The following TMEM132B variants were observed in gnomAD, a reference collection of about 807,000 sequenced individuals.
TMEM132B encodes transmembrane protein 132B.
TMEM132B carries 18 observed loss-of-function variants against 90.8 expected under a neutral mutation model. The observed-to-expected ratio is 0.20, with a 90% CI of 0.14 to 0.29. The LOEUF (loss-of-function observed/expected upper bound fraction) is 0.29, where lower values mean the gene tolerates loss of function less well. Among genes scored for constraint, TMEM132B ranks in the 10% least tolerant of loss-of-function variants. TMEM132B has a pLI of 1.00. For synonymous variants in TMEM132B, 504 were observed against 523.3 expected, an observed-to-expected ratio of 0.96 and a Z score of 0.50; for missense variants, 1,096 against 1,326.8, an observed-to-expected ratio of 0.83 and a Z score of 2.70.
At chr12:125,302,181 A>G (rs140159274) in intron 1 of TMEM132B, among the ~76,000 whole-genome samples, 1,534 of 152,200 alleles carry the variant, frequency 0.01, 9 homozygotes, top group Middle Eastern at 0.027. Flanking sequence ...GGCTGGCGAC[A>G]GAGGGAGACT....
intron 4 of TMEM132B, among the ~76,000 whole-genome samples, chr12:125,573,367 C>T (rs141300386): frequency 5.3e-4 from 81 of 152,242 alleles, no homozygotes; most frequent in Middle Eastern, 3.4e-3. Context: ...CATTTTTAAA[C>T]TCAATTTTCT....
intron 3 of TMEM132B, among the ~76,000 whole-genome samples, chr12:125,499,425 A>AG (rs1319929333): frequency 6.6e-6 from 1 of 152,238 alleles, no homozygotes; most frequent in Non-Finnish European, 1.5e-5. Context: ...AGACAATGCC[A>AG]GGTTGGACTG....
At chr12:125,620,625 A>G (rs1886093927) in intron 5 of TMEM132B, among the ~76,000 whole-genome samples, 1 of 152,234 alleles carries the variant, frequency 6.6e-6, no homozygotes, top group Admixed American at 6.5e-5. Flanking sequence ...TAATAAAGAC[A>G]CACCTGAGAC....
intron 4 of TMEM132B, among the ~76,000 whole-genome samples, chr12:125,575,630 T>A (rs1191662787): frequency 1.3e-5 from 2 of 152,082 alleles, no homozygotes; most frequent in Non-Finnish European, 2.9e-5. Context: ...TAAGCAATAT[T>A]TGCTGAGTCT....
At chr12:125,515,798 CAA>C (rs1186375172) in intron 3 of TMEM132B, among the ~76,000 whole-genome samples, 1 of 148,818 alleles carries the variant, frequency 6.7e-6, no homozygotes, top group African/African-American at 2.5e-5. Context: ...CACATTCACA[CAA>C]ATACACATTC....
At chr12:125,257,467 C>T (rs139200888) in intron 1 of TMEM132B, among the ~76,000 whole-genome samples, 101 of 152,308 alleles carry the variant, frequency 6.6e-4, no homozygotes, top group African/African-American at 2.0e-3. Flanking sequence ...CTTCTGTCAC[C>T]AGATGTGGCA....
intron 1 of TMEM132B, among the ~76,000 whole-genome samples, chr12:125,348,822 A>G (rs1877455053): frequency 6.6e-6 from 1 of 152,188 alleles, no homozygotes; most frequent in African/African-American, 2.4e-5. Flanking sequence ...TATGTTCTTA[A>G]GTTTGTTTGT....
At chr12:125,446,626 G>T (rs1193280201) in intron 3 of TMEM132B, among the ~76,000 whole-genome samples, 1 of 152,150 alleles carries the variant, frequency 6.6e-6, no homozygotes, top group Non-Finnish European at 1.5e-5. Flanking sequence ...GACTACAAGA[G>T]ATGAAGAATA....
rs201281880 is a variant in TMEM132B at position 125,326,669 on chromosome 12, G to A, written c.68-22783G>A. 863 of 1,606,336 alleles carry A rather than the reference G, an allele frequency of 5.4e-4. 1 individual carries two copies. Among genetic ancestry groups the A allele is most frequent in the Middle Eastern group, 5.3e-3 (32 of 6,048 alleles). On this transcript the variant is annotated intron_variant, in intron 1 of 8. Coordinates refer to ENST00000682704, the MANE Select transcript of TMEM132B (RefSeq NM_001366854.1). Reference sequence around the variant, plus strand: ...AATGGACACCACTGCTGTCTGCACCGGGGGAGGTCGGAAGGAAGGGAATGG... The same window carrying A: ...AATGGACACCACTGCTGTCTGCACCAGGGGAGGTCGGAAGGAAGGGAATGG...
rs527823090 is a variant in TMEM132B, at chr12:125,599,292, G to A, written c.1437+15298G>A. On this transcript the variant is annotated intron_variant, in intron 5 of 8. Transcript: ENST00000682704. ...CTTTGCTCCTTCTTCACCTTCTGCCGTGATTGTGAGGCCTCCCCAGACATG... is the reference window on the plus strand; with the variant it reads ...CTTTGCTCCTTCTTCACCTTCTGCCATGATTGTGAGGCCTCCCCAGACATG... 2.0e-4 allele frequency among the ~76,000 whole-genome samples: 30 copies of A among 152,254 alleles called. No homozygotes were observed. In the South Asian group the frequency reaches 3.1e-3, roughly 16 times the overall value.
chr12:125,334,359 C>G (rs1441875150), intron 1 of TMEM132B, among the ~76,000 whole-genome samples: 1 of 151,122 alleles, frequency 6.6e-6, no homozygotes, highest in Non-Finnish European at 1.5e-5. Flanking sequence ...CTCCTTCTAC[C>G]AGACCTCTCC....
chr12:125,255,267 C>G (rs374384220), intron 1 of TMEM132B, among the ~76,000 whole-genome samples: 9 of 151,982 alleles, frequency 5.9e-5, no homozygotes, highest in East Asian at 5.8e-4. Flanking sequence ...TCCTCTCTCT[C>G]TCTTTCTCTT....
intron 5 of TMEM132B, among the ~76,000 whole-genome samples, chr12:125,606,096 G>A (rs1412656197): frequency 6.6e-6 from 1 of 152,140 alleles, no homozygotes; most frequent in African/African-American, 2.4e-5. Flanking sequence ...ACAATTAAAG[G>A]GTAGAAAGTG....
At chr12:125,323,701 TAG>T (rs1483610111) in intron 1 of TMEM132B, among the ~76,000 whole-genome samples, 11 of 152,130 alleles carry the variant, frequency 7.2e-5, no homozygotes, top group Non-Finnish European at 1.5e-5. Context: ...GTATTTTCAG[TAG>T]AGACAGGGTT....
At chr12:125,564,948 G>A (rs886798767) in intron 4 of TMEM132B, among the ~76,000 whole-genome samples, 7 of 152,162 alleles carry the variant, frequency 4.6e-5, no homozygotes, top group African/African-American at 1.7e-4. Context: ...TGTGAAGGAT[G>A]AGTAGGGGTT....
intron 2 of TMEM132B, among the ~76,000 whole-genome samples, chr12:125,375,728 G>T (rs942379625): frequency 1.3e-5 from 2 of 152,202 alleles, no homozygotes; most frequent in Admixed American, 6.5e-5. Context: ...CATGATGAGG[G>T]TTCAGAGAAC....
At chr12:125,281,302 G>A (rs927781060) in intron 1 of TMEM132B, among the ~76,000 whole-genome samples, 2 of 152,204 alleles carry the variant, frequency 1.3e-5, no homozygotes, top group African/African-American at 4.8e-5. Context: ...TGCTTCTGAG[G>A]TGGGTTGGCT....
At chr12:125,650,111 G>A (rs906308348) in intron 6 of TMEM132B, among the ~76,000 whole-genome samples, 15 of 152,190 alleles carry the variant, frequency 9.9e-5, no homozygotes, top group Admixed American at 9.8e-4. Context: ...TGAGGAGGTC[G>A]GGTGTTAGAA....
chr12:125,389,306 C>T (rs1251221854), intron 2 of TMEM132B, among the ~76,000 whole-genome samples: 2 of 151,844 alleles, frequency 1.3e-5, no homozygotes, highest in Middle Eastern at 3.2e-3. Context: ...AGAGAAATTG[C>T]AGCTCCTTTC....
Sources: allele counts gnomAD v4.1 joint callset (sites outside exome capture counted in the v4.1 genomes callset), GRCh38; gene constraint gnomAD v4.1.1; transcripts MANE v1.5; gene names NCBI Gene and HGNC (gene_info 2026-07-23, HGNC 2026-07-21).